Variants in YIPF4 observed in about 807,000 individuals in gnomAD.
The protein encoded by YIPF4 is protein YIPF4.
YIPF4 carries 18 observed loss-of-function variants against 29.4 expected under a neutral mutation model. The observed-to-expected ratio is 0.61, with a 90% CI of 0.42 to 0.91. The LOEUF (loss-of-function observed/expected upper bound fraction) is 0.91, where lower values mean the gene tolerates loss of function less well. Ranked by LOEUF, YIPF4 falls within the 40% of genes least tolerant of loss-of-function variation. YIPF4 has a pLI of 0.00. For missense variants in YIPF4, 279 were observed against 282.7 expected, an observed-to-expected ratio of 0.99 and a Z score of 0.09; for synonymous variants, 115 against 104.7, an observed-to-expected ratio of 1.10 and a Z score of -0.60.
Position 32,278,113 on chromosome 2 carries a change from G to C in YIPF4, c.-43G>C. 3.3e-6 allele frequency: 5 copies of C among 1,531,558 alleles called. No homozygotes were observed. Among genetic ancestry groups the C allele is most frequent in the Non-Finnish European group, 4.4e-6 (5 of 1,136,926 alleles). The allele number at this position is 1,531,558 out of a possible 1,614,324, so 94.9% of individuals were successfully genotyped here. The stretch of plus-strand genomic sequence containing the variant: ...GCGGCCGCCTCGGGGTCTGGGCCCA[G>C]CCGCAGCCTCTTCTACCGCGGCCGG... On this transcript the variant is annotated 5_prime_UTR_variant, in exon 1 of 6. Coordinates refer to ENST00000238831, the MANE Select transcript of YIPF4 (RefSeq NM_032312.4).
In YIPF4 at chr2:32,313,524, C is replaced by T. The variant is rs2031761648; in HGVS notation, c.*7898C>T. On this transcript the variant is annotated 3_prime_UTR_variant, in exon 6 of 6. Coordinates refer to ENST00000238831, the MANE Select transcript of YIPF4 (RefSeq NM_032312.4). ...CTGGGATTACAGGTGCCCATCACCACACCCGGCTAATTTTTTTGTTTTTAG... is the reference window on the plus strand; with the variant it reads ...CTGGGATTACAGGTGCCCATCACCATACCCGGCTAATTTTTTTGTTTTTAG... The T allele has an allele frequency of 6.6e-6, 1 of 151,984 alleles. No homozygotes were observed. The highest frequency in any genetic ancestry group is 2.4e-5 in the African/African-American group (1 of 41,358). The allele number at this position is 151,984 out of a possible 1,614,324, so 9.4% of individuals were successfully genotyped here. A position where few individuals can be genotyped will look rare whatever the true frequency, so the allele number is the denominator to read the frequency against.
chr2:32,278,166 CG>C lies in YIPF4; in HGVS notation c.14del (p.Gly5AlafsTer28). Reference protein sequence around the residue: MQPPGPPPAYAPTN... With the variant: MQPXGPPPAYAPTN... ...GGGAGTCGCCGCGAGATGCAGCCTC[CG>C]GGCCCGCCCCCGGCCTATGCCCCCA... On this transcript the variant is annotated frameshift_variant, in exon 1 of 6. Coordinates refer to ENST00000238831, the MANE Select transcript of YIPF4 (RefSeq NM_032312.4). LOFTEE classifies it high-confidence loss of function. 2 of 1,564,768 alleles carry C rather than the reference CG, an allele frequency of 1.3e-6. No individual in the cohort carries two copies. The highest frequency in any genetic ancestry group is 1.7e-6 in the Non-Finnish European group (2 of 1,155,940).
chr2:32,286,080 A>C (rs559353426), intron 1 of YIPF4, among the ~76,000 whole-genome samples: 3 of 152,198 alleles, frequency 2.0e-5, no homozygotes, highest in Admixed American at 6.5e-5. Context: ...TTTTTTCATT[A>C]ATTAATCTAC....
In YIPF4 at chr2:32,309,321, G is replaced by A. The variant is rs2031666787; in HGVS notation, c.*3695G>A. On this transcript the variant is annotated 3_prime_UTR_variant, in exon 6 of 6. Coordinates refer to ENST00000238831, the MANE Select transcript of YIPF4 (RefSeq NM_032312.4). ...GGAGCATTTTGCATTTCAGATTTTT[G>A]GATTAGGAAAACTCAACCACTGTAT... 6.6e-6 allele frequency: 1 copy of A among 151,972 alleles called. No individual in the cohort carries two copies. The highest frequency in any genetic ancestry group is 2.4e-5 in the African/African-American group (1 of 41,374). The allele number at this position is 151,972 out of a possible 1,614,324, so 9.4% of individuals were successfully genotyped here. A position where few individuals can be genotyped will look rare whatever the true frequency, so the allele number is the denominator to read the frequency against.
chr2:32,294,597 A>G (rs1373985998), intron 3 of YIPF4, among the ~76,000 whole-genome samples: 1 of 147,360 alleles, frequency 6.8e-6, no homozygotes, highest in Non-Finnish European at 1.5e-5. Flanking sequence ...GCAGCCAGGC[A>G]GAGGGGCTCC....
rs190203641 is a variant in YIPF4 at position 32,289,162 on chromosome 2, T to C, written c.80-1321T>C. Among the ~76,000 whole-genome samples, 1,009 of 152,350 alleles carry C rather than the reference T, an allele frequency of 6.6e-3. 4 individuals are homozygous for C. Among genetic ancestry groups the C allele is most frequent in the Non-Finnish European group, 0.011 (764 of 68,028 alleles). ...TTCAAATCTGGTTATATTTTATCTC[T>C]GAGTGAGCGCCTTTATAAAAACTTT... is the stretch of plus-strand genomic sequence containing the variant. On this transcript the variant is annotated intron_variant, in intron 1 of 5. Coordinates refer to ENST00000238831, the MANE Select transcript of YIPF4 (RefSeq NM_032312.4).
chr2:32,278,409 G>GGGGT (rs1311365893), intron 1 of YIPF4, among the ~76,000 whole-genome samples, 175 bp downstream of exon 1: 2 of 152,332 alleles, frequency 1.3e-5, no homozygotes, highest in South Asian at 2.1e-4. Flanking sequence ...GACGGAGGGA[G>GGGGT]GGGTGTAGGG....
chr2:32,287,666 C>T (rs543974957), intron 1 of YIPF4, among the ~76,000 whole-genome samples: 1 of 152,260 alleles, frequency 6.6e-6, no homozygotes, highest in East Asian at 1.9e-4. Context: ...CCCAGTCATA[C>T]ATTTGAGTTG....
At position 32,308,067 on chromosome 2, in the gene YIPF4, A is replaced by G. The variant is rs1264644290; in HGVS notation, c.*2441A>G. On this transcript the variant is annotated 3_prime_UTR_variant, in exon 6 of 6. Coordinates refer to ENST00000238831, the MANE Select transcript of YIPF4 (RefSeq NM_032312.4). Reference sequence around the variant, plus strand: ...TATATAATAATATTTTCTGAGTCATAACTAATTTTTTAAATAATGATTTCC... The same window carrying G: ...TATATAATAATATTTTCTGAGTCATGACTAATTTTTTAAATAATGATTTCC... 1 of 152,036 alleles carries G rather than the reference A, an allele frequency of 6.6e-6. No homozygotes were observed. Among genetic ancestry groups the G allele is most frequent in the African/African-American group, 2.4e-5 (1 of 41,408 alleles). The allele number at this position is 152,036 out of a possible 1,614,324, so 9.4% of individuals were successfully genotyped here. A position where few individuals can be genotyped will look rare whatever the true frequency, so the allele number is the denominator to read the frequency against.
chr2:32,314,242 A>G lies in YIPF4; in HGVS notation c.*8616A>G, dbSNP rs1213965646. ...AAAGCCGCATACAAAAACATGAAGAATTTCACAAGTATTATGTTGAGTGAA... is the reference window on the plus strand; with the variant it reads ...AAAGCCGCATACAAAAACATGAAGAGTTTCACAAGTATTATGTTGAGTGAA... On this transcript the variant is annotated 3_prime_UTR_variant, in exon 6 of 6. Transcript: ENST00000238831. 1 of 152,218 alleles carries G rather than the reference A, an allele frequency of 6.6e-6. No individual in the cohort carries two copies. The highest frequency in any genetic ancestry group is 2.4e-5 in the African/African-American group (1 of 41,466). The allele number at this position is 152,218 out of a possible 1,614,324, so 9.4% of individuals were successfully genotyped here.
chr2:32,277,958 A>C lies in YIPF4; in HGVS notation c.-198A>C. Reference sequence around the variant, plus strand: ...GCGTCGTGGTGCTTGGGTGGTCGCCACCAAGAAGACTTTGGTGGGGTAGTC... The same window carrying C: ...GCGTCGTGGTGCTTGGGTGGTCGCCCCCAAGAAGACTTTGGTGGGGTAGTC... On this transcript the variant is annotated 5_prime_UTR_variant, in exon 1 of 6. Coordinates refer to ENST00000238831, the MANE Select transcript of YIPF4 (RefSeq NM_032312.4). 1 of 538,716 alleles carries C rather than the reference A, an allele frequency of 1.9e-6. No individual in the cohort carries two copies. Among genetic ancestry groups the C allele is most frequent in the South Asian group, 2.3e-5 (1 of 43,338 alleles). 33.4% of individuals were successfully genotyped at this position (538,716 alleles called of 1,614,324 possible). A position where few individuals can be genotyped will look rare whatever the true frequency, so the allele number is the denominator to read the frequency against.
Position 32,313,804 on chromosome 2 carries a change from G to C in YIPF4, c.*8178G>C, listed in dbSNP as rs1333785718. On this transcript the variant is annotated 3_prime_UTR_variant, in exon 6 of 6. Transcript: ENST00000238831. ...TGCAACCTCTGCCTTCTGGGTTCAA[G>C]CGATTCTCCTGCCTCAGCCTCCCGA... 1 of 152,282 alleles carries C rather than the reference G, an allele frequency of 6.6e-6. No homozygotes were observed. Among genetic ancestry groups the C allele is most frequent in the African/African-American group, 2.4e-5 (1 of 41,412 alleles). 9.4% of individuals were successfully genotyped at this position (152,282 alleles called of 1,614,324 possible). A position where few individuals can be genotyped will look rare whatever the true frequency, so the allele number is the denominator to read the frequency against.
intron 3 of YIPF4, among the ~76,000 whole-genome samples, chr2:32,295,417 A>G (rs890431636): frequency 6.6e-6 from 1 of 152,170 alleles, no homozygotes; most frequent in Admixed American, 6.5e-5. Flanking sequence ...GTCCAAAATG[A>G]GTCTTAAAGG....
chr2:32,301,597 C>G, intron 5 of YIPF4, 102 bp downstream of exon 5: 1 of 725,282 alleles, frequency 1.4e-6, no homozygotes, highest in Non-Finnish European at 2.2e-6. Flanking sequence ...CTTTATCAAA[C>G]AGTTGGTAGT....
rs141400824 is a variant in YIPF4, at chr2:32,301,446, C to T, written c.548C>T (p.Pro183Leu). The T allele has an allele frequency of 2.1e-5, 34 of 1,613,780 alleles. No homozygotes were observed. In the Admixed American group the frequency reaches 2.8e-4, roughly 13 times the overall value. Residue 183 changes from proline to leucine, a missense_variant, in exon 5 of 6, where the codon CCT (proline) becomes CTT (leucine). By Grantham distance (98) the Pro-to-Leu change is moderately conservative. Transcript: ENST00000238831. ...YSLLPLIVIA[P>L]VLLVVGSFEV... ...TTACTTCCTCTCATTGTAATAGCCC[C>T]TGTACTTTTGGTGGTTGGATCATTT...
At chr2:32,287,122 G>T (rs757105910) in intron 1 of YIPF4, among the ~76,000 whole-genome samples, 1 of 152,074 alleles carries the variant, frequency 6.6e-6, no homozygotes, top group African/African-American at 2.4e-5. Context: ...GTGCATGCCT[G>T]TAATCCCAGC....
At chr2:32,278,266 C>A in intron 1 of YIPF4, 32 bp downstream of exon 1, 1 of 1,528,372 alleles carries the variant, frequency 6.5e-7, no homozygotes, top group East Asian at 2.6e-5. Context: ...GGCTATCACC[C>A]GGAGGAAGCC....
chr2:32,286,967 A>G (rs1176488317), intron 1 of YIPF4, among the ~76,000 whole-genome samples: 2 of 152,166 alleles, frequency 1.3e-5, no homozygotes, highest in East Asian at 1.9e-4. Context: ...TCCTTAGGCC[A>G]GGCACAGTGG....
At chr2:32,293,729 C>T (rs2031025574) in intron 3 of YIPF4, among the ~76,000 whole-genome samples, 1 of 150,936 alleles carries the variant, frequency 6.6e-6, no homozygotes, top group Non-Finnish European at 1.5e-5. Context: ...GCTGACCCCC[C>T]AACCTCCCGG....
Sources: gnomAD v4.1 joint callset for allele counts (sites outside exome capture counted in the v4.1 genomes callset) on GRCh38, gnomAD v4.1.1 for gene constraint, MANE v1.5 for transcripts, NCBI Gene and HGNC (gene_info 2026-07-23, HGNC 2026-07-21) for gene names.